Variants in APPBP2 observed in about 807,000 individuals in gnomAD.
The protein encoded by APPBP2 is amyloid beta precursor protein binding protein 2.
A neutral mutation model predicts 76.0 loss-of-function variants in APPBP2; 15 were observed. That is an observed-to-expected ratio of 0.20 (90% confidence interval 0.13 to 0.30). The LOEUF is 0.30. APPBP2 is among the 10% of genes least tolerant of loss of function. The probability of loss-of-function intolerance (pLI) is 1.00; values close to 1 mark genes in which losing one functional copy is unlikely to be tolerated. For synonymous variants in APPBP2, 222 were observed against 242.2 expected, an observed-to-expected ratio of 0.92 and a Z score of 0.77; for missense variants, 401 against 687.2, an observed-to-expected ratio of 0.58 and a Z score of 4.66.
intron 1 of APPBP2, among the ~76,000 whole-genome samples, chr17:60,514,632 A>T (rs1478219139): frequency 6.6e-6 from 1 of 152,164 alleles, no homozygotes; most frequent in Non-Finnish European, 1.5e-5. Flanking sequence ...TTGCCATCAT[A>T]AACAATGCTG....
chr17:60,503,093 A>G (rs1019824961), intron 1 of APPBP2, among the ~76,000 whole-genome samples: 1 of 140,316 alleles, frequency 7.1e-6, no homozygotes, highest in Non-Finnish European at 1.5e-5. Context: ...GCTCACTGCA[A>G]CCTCCACCTC....
intron 1 of APPBP2, among the ~76,000 whole-genome samples, chr17:60,522,635 G>A (rs928832536): frequency 1.1e-4 from 16 of 151,996 alleles, no homozygotes; most frequent in African/African-American, 3.9e-4. Context: ...TAATTCTTTT[G>A]TTCTGATCTT....
intron 1 of APPBP2, among the ~76,000 whole-genome samples, chr17:60,517,219 C>T (rs1252528525): frequency 6.6e-6 from 1 of 152,030 alleles, no homozygotes; most frequent in Non-Finnish European, 1.5e-5. Flanking sequence ...TCAGGTGATC[C>T]CCTGCCTTGG....
chr17:60,512,086 G>A (rs890312259), intron 1 of APPBP2, among the ~76,000 whole-genome samples: 2 of 151,160 alleles, frequency 1.3e-5, no homozygotes, highest in African/African-American at 2.5e-5. Context: ...ACTCCTTGAG[G>A]TGTTTTTTTA....
intron 1 of APPBP2, among the ~76,000 whole-genome samples, chr17:60,523,861 A>G (rs994778424): frequency 6.6e-6 from 1 of 152,204 alleles, no homozygotes; most frequent in Non-Finnish European, 1.5e-5. Context: ...CAGGAACTAA[A>G]TATCAGGTTT....
chr17:60,460,816 T>C (rs748950980), intron 8 of APPBP2, 29 bp from the exon 9 acceptor site: 11 of 1,604,594 alleles, frequency 6.9e-6, no homozygotes, highest in Non-Finnish European at 8.5e-6. Context: ...TATTTGTCAA[T>C]ACTGTAGAAA....
intron 3 of APPBP2, among the ~76,000 whole-genome samples, chr17:60,482,236 G>A (rs1598358230): frequency 6.6e-6 from 1 of 152,108 alleles, no homozygotes; most frequent in East Asian, 1.9e-4. Context: ...TTGACTATAA[G>A]CATCAAATTA....
At chr17:60,451,806 T>TG in intron 12 of APPBP2, 74 bp downstream of exon 12, 1 of 1,351,780 alleles carries the variant, frequency 7.4e-7, no homozygotes, top group Non-Finnish European at 1.0e-6. Context: ...AACATTTTCC[T>TG]TATACAACAT....
chr17:60,469,078 A>G (rs1333716257), intron 4 of APPBP2, among the ~76,000 whole-genome samples: 1 of 152,074 alleles, frequency 6.6e-6, no homozygotes, highest in East Asian at 1.9e-4. Context: ...AGTTTATCCC[A>G]GCACTTTGGG....
chr17:60,482,061 T>C lies in APPBP2; in HGVS notation c.380-2790A>G, dbSNP rs776248236. Reference sequence around the variant, plus strand: ...CCACGCCCGGCTAATTTTGTATTTTTAGTAGAGACGGGTTTCTCCATGTTG... The same window carrying C: ...CCACGCCCGGCTAATTTTGTATTTTCAGTAGAGACGGGTTTCTCCATGTTG... On this transcript the variant is annotated intron_variant, in intron 3 of 12. Transcript: ENST00000083182. Among the ~76,000 whole-genome samples, 120 of 152,294 alleles carry C rather than the reference T, an allele frequency of 7.9e-4. No individual in the cohort carries two copies. The Middle Eastern group carries it at 0.01, about 13-fold the overall frequency.
rs2090605774 is a variant in APPBP2 at position 60,478,349 on chromosome 17, T to A, written c.503+799A>T. Among the ~76,000 whole-genome samples the A allele has an allele frequency of 2.0e-5, 3 of 151,456 alleles. No homozygotes were observed. The South Asian group carries it at 6.3e-4, about 32-fold the overall frequency. On this transcript the variant is annotated intron_variant, in intron 4 of 12. Coordinates refer to ENST00000083182, the MANE Select transcript of APPBP2 (RefSeq NM_006380.5). The stretch of plus-strand genomic sequence containing the variant: ...AAAAAATAAGGACAATAAAGCAGAG[T>A]TACTTCTAGATTTGCTTGACTTTAA...
intron 1 of APPBP2, among the ~76,000 whole-genome samples, chr17:60,518,400 TAA>T (rs2090981661): frequency 1.5e-5 from 1 of 64,740 alleles, no homozygotes; most frequent in Non-Finnish European, 3.1e-5. Flanking sequence ...TGTGTGTGTG[TAA>T]GAGAGAGAGA....
chr17:60,518,732 A>G lies in APPBP2; in HGVS notation c.138+7062T>C, dbSNP rs192676033. ...TTGCCCAGGCAGGTCTAGAACTCTT[A>G]GGCTCAAGCCATCCTCCCACCTTGG... On this transcript the variant is annotated intron_variant, in intron 1 of 12. Coordinates refer to ENST00000083182, the MANE Select transcript of APPBP2 (RefSeq NM_006380.5). Among the ~76,000 whole-genome samples, 28 of 151,614 alleles carry G rather than the reference A, an allele frequency of 1.8e-4. No homozygotes were observed. In the East Asian group the frequency reaches 5.3e-3, roughly 29 times the overall value.
At chr17:60,501,327 TATAA>T (rs986504872) in intron 1 of APPBP2, among the ~76,000 whole-genome samples, 2 of 151,922 alleles carry the variant, frequency 1.3e-5, no homozygotes, top group African/African-American at 2.4e-5. Flanking sequence ...TCAAAAAAAT[TATAA>T]ATAAATAAAC....
chr17:60,498,280 A>T (rs2090793030), intron 2 of APPBP2, among the ~76,000 whole-genome samples: 1 of 152,206 alleles, frequency 6.6e-6, no homozygotes, highest in South Asian at 2.1e-4. Context: ...CAAAGGGGAT[A>T]GAAGGAGGCA....
At chr17:60,498,548 G>C (rs910297488) in intron 2 of APPBP2, among the ~76,000 whole-genome samples, 2 of 151,976 alleles carry the variant, frequency 1.3e-5, no homozygotes, top group African/African-American at 4.8e-5. Context: ...ATCAATAATA[G>C]AATGAATAAT....
chr17:60,513,245 T>C (rs2090933467), intron 1 of APPBP2: 3 of 417,778 alleles, frequency 7.2e-6, no homozygotes, highest in Admixed American at 4.2e-5. Flanking sequence ...AAATCAGATA[T>C]TGTATATAAG....
At chr17:60,489,183 T>C (rs983911279) in intron 3 of APPBP2, among the ~76,000 whole-genome samples, 1 of 151,162 alleles carries the variant, frequency 6.6e-6, no homozygotes, top group South Asian at 2.1e-4. Flanking sequence ...GATCACACTA[T>C]TGCACTCCAG....
chr17:60,523,299 G>A (rs1469387154), intron 1 of APPBP2, among the ~76,000 whole-genome samples: 1 of 151,560 alleles, frequency 6.6e-6, no homozygotes, highest in African/African-American at 2.4e-5. Flanking sequence ...TTCCAGCCTG[G>A]GCAATATATC....
Sources: allele counts gnomAD v4.1 joint callset (sites outside exome capture counted in the v4.1 genomes callset), GRCh38; gene constraint gnomAD v4.1.1; transcripts MANE v1.5; gene names NCBI Gene and HGNC (gene_info 2026-07-23, HGNC 2026-07-21).